The following CFAP54 variants were observed in gnomAD, a reference collection of about 807,000 sequenced individuals.
CFAP54 encodes cilia and flagella associated protein 54.
In CFAP54, 290 loss-of-function variants were observed where a neutral mutation model predicts 370.4. That is an observed-to-expected ratio of 0.78 (90% CI 0.71 to 0.86). The LOEUF (loss-of-function observed/expected upper bound fraction) is 0.86. Among genes scored for constraint, CFAP54 ranks in the 40% least tolerant of loss-of-function variants. The pLI, the probability that CFAP54 is intolerant of heterozygous loss-of-function variation, is 0.00. For missense variants in CFAP54, 3,399 were observed against 3,528.7 expected (o/e 0.96, Z 0.93); for synonymous variants, 1,206 against 1,236.5 (o/e 0.98, Z 0.52).
intron 47 of CFAP54, among the ~76,000 whole-genome samples, chr12:96,707,821 G>T (rs1384916469): frequency 6.6e-6 from 1 of 152,100 alleles, no homozygotes; most frequent in Non-Finnish European, 1.5e-5. Context: ...AGTTTTCCTA[G>T]TGAAGTGGAG....
At chr12:96,694,487 ACGCACACACACACACG>A (rs1188288475) in intron 45 of CFAP54, among the ~76,000 whole-genome samples, 2 of 151,966 alleles carry the variant, frequency 1.3e-5, no homozygotes, top group African/African-American at 2.4e-5. Context: ...TTTATATCTT[ACGCACACACACACACG>A]CGCACACACA....
At chr12:96,734,165 T>A (rs1957955089) in intron 50 of CFAP54, among the ~76,000 whole-genome samples, 1 of 152,170 alleles carries the variant, frequency 6.6e-6, no homozygotes, top group South Asian at 2.1e-4. Context: ...CTCAGCAAAA[T>A]CTTGAGAGTT....
chr12:96,640,675 A>C (rs936151679), intron 32 of CFAP54, among the ~76,000 whole-genome samples: 97 of 152,336 alleles, frequency 6.4e-4, no homozygotes, highest in African/African-American at 1.8e-3. Context: ...ACTTCAAACT[A>C]TACTACAAGG....
rs778942905 is a variant in CFAP54 at position 96,720,414 on chromosome 12, C to T, written c.6814C>T (p.Leu2272=). The part of the protein sequence containing the change: ...ITLSMLKSML[L]MEAEDRLNFL... Reference sequence around the variant, plus strand: ...GGTATCCTTTCCTTAGTCGATGTTACTGATGGAAGCTGAGGACAGGCTAAA... The same window carrying T: ...GGTATCCTTTCCTTAGTCGATGTTATTGATGGAAGCTGAGGACAGGCTAAA... The change falls in exon 50 of 68, where the codon CTG becomes TTG. Residue 2272 remains leucine, a synonymous_variant. Transcript: ENST00000524981. The T allele has an allele frequency of 2.0e-6, 3 of 1,508,608 alleles. No homozygotes were observed. The highest frequency in any genetic ancestry group is 2.7e-6 in the Non-Finnish European group (3 of 1,121,474). The allele number at this position is 1,508,608 out of a possible 1,614,324, so 93.5% of individuals were successfully genotyped here.
chr12:96,698,193 T>C (rs1386339848), intron 45 of CFAP54, among the ~76,000 whole-genome samples: 1 of 152,230 alleles, frequency 6.6e-6, no homozygotes, highest in Non-Finnish European at 1.5e-5. Context: ...TTGGTACATA[T>C]GTGGTGCTCC....
At chr12:96,640,989 G>C (rs1565924603) in intron 32 of CFAP54, among the ~76,000 whole-genome samples, 1 of 151,936 alleles carries the variant, frequency 6.6e-6, no homozygotes, top group Non-Finnish European at 1.5e-5. Context: ...GAAAACCTAG[G>C]CAATACCATT....
At chr12:96,699,001 G>A (rs1957464047) in intron 45 of CFAP54, among the ~76,000 whole-genome samples, 1 of 152,128 alleles carries the variant, frequency 6.6e-6, no homozygotes, top group South Asian at 2.1e-4. Context: ...GCCACTTCAT[G>A]CTCACCTCAT....
At chr12:96,816,076 TA>T (rs1428894754) in intron 64 of CFAP54, among the ~76,000 whole-genome samples, 10 of 152,060 alleles carry the variant, frequency 6.6e-5, no homozygotes, top group Admixed American at 6.6e-4. Context: ...AAATTTAAAG[TA>T]GTTTTTTTCT....
intron 65 of CFAP54, among the ~76,000 whole-genome samples, chr12:96,827,967 T>G (rs1205447839): frequency 1.0e-5 from 1 of 95,698 alleles, no homozygotes; most frequent in Non-Finnish European, 2.1e-5. Flanking sequence ...ATATAATACA[T>G]AGTAATATAT....
intron 22 of CFAP54, among the ~76,000 whole-genome samples, chr12:96,586,056 G>A (rs1411024077): frequency 2.6e-5 from 4 of 152,132 alleles, no homozygotes; most frequent in Non-Finnish European, 5.9e-5. Flanking sequence ...AGGAAAAGAG[G>A]ATTTTTAAAT....
intron 57 of CFAP54, among the ~76,000 whole-genome samples, chr12:96,756,787 A>T (rs1168913484): frequency 6.6e-6 from 1 of 152,164 alleles, no homozygotes; most frequent in Non-Finnish European, 1.5e-5. Context: ...GCCTGTACCC[A>T]GATCTCGTGT....
chr12:96,568,552 T>A (rs1955884039), intron 19 of CFAP54, among the ~76,000 whole-genome samples: 2 of 152,196 alleles, frequency 1.3e-5, no homozygotes, highest in African/African-American at 4.8e-5. Context: ...TGCCAAACTT[T>A]CTTTCTTTTT....
intron 66 of CFAP54, among the ~76,000 whole-genome samples, chr12:96,840,635 T>C (rs1192300424): frequency 6.6e-6 from 1 of 150,748 alleles, no homozygotes; most frequent in Non-Finnish European, 1.5e-5. Flanking sequence ...TCTTTTTTTT[T>C]TTTTTTACAA....
rs193255112 is a variant in CFAP54, at chr12:96,869,477, A to G, written c.*15-5641A>G. On this transcript the variant is annotated intron_variant, in intron 67 of 67. Transcript: ENST00000524981. Reference sequence around the variant, plus strand: ...AGTTCCGCTTGAGGTGCTGGAAGTCAAATTCAAAAGTAGAGAAAAGAGAAA... The same window carrying G: ...AGTTCCGCTTGAGGTGCTGGAAGTCGAATTCAAAAGTAGAGAAAAGAGAAA... Among the ~76,000 whole-genome samples, 673 of 152,328 alleles carry G rather than the reference A, an allele frequency of 4.4e-3. 2 individuals carry two copies. The highest frequency in any genetic ancestry group is 0.014 in the African/African-American group (576 of 41,572).
chr12:96,627,778 T>TA (rs916051194), intron 30 of CFAP54, among the ~76,000 whole-genome samples: 3 of 152,236 alleles, frequency 2.0e-5, no homozygotes, highest in African/African-American at 4.8e-5. Context: ...TTAAATTTTT[T>TA]AAAAAATAGC....
intron 32 of CFAP54, among the ~76,000 whole-genome samples, chr12:96,642,550 T>C (rs916808237): frequency 6.6e-6 from 1 of 152,204 alleles, no homozygotes; most frequent in African/African-American, 2.4e-5. Context: ...GGAATTCCAG[T>C]TCAAAACCAC....
intron 17 of CFAP54, among the ~76,000 whole-genome samples, chr12:96,558,776 T>A (rs1325459951): frequency 2.6e-5 from 4 of 152,100 alleles, no homozygotes; most frequent in Non-Finnish European, 5.9e-5. Context: ...ATAAAACTAC[T>A]CCAAGATACC....
intron 63 of CFAP54, among the ~76,000 whole-genome samples, chr12:96,801,618 T>C (rs1384105435): frequency 6.6e-6 from 1 of 152,216 alleles, no homozygotes; most frequent in Non-Finnish European, 1.5e-5. Flanking sequence ...CTTTTAGCTT[T>C]ATCCTGTCTC....
intron 66 of CFAP54, 50 bp from the exon 67 acceptor site, chr12:96,860,769 C>G (rs1315458755): frequency 6.9e-7 from 1 of 1,453,266 alleles, no homozygotes; most frequent in Admixed American, 2.7e-5. Flanking sequence ...AGAACTTTGT[C>G]AACAGTTTGA....
Sources: gnomAD v4.1 joint callset for allele counts (sites outside exome capture counted in the v4.1 genomes callset) on GRCh38, gnomAD v4.1.1 for gene constraint, MANE v1.5 for transcripts, NCBI Gene and HGNC (gene_info 2026-07-23, HGNC 2026-07-21) for gene names.